SPTA1: variants seen among roughly 807,000 people sequenced by gnomAD.
SPTA1 encodes spectrin alpha chain, erythrocytic 1.
SPTA1 carries 177 observed loss-of-function variants against 324.7 expected under a neutral mutation model. The ratio of observed to expected loss-of-function variants is 0.55; its 90% CI spans 0.48 to 0.62. The LOEUF is 0.62. Among genes scored for constraint, SPTA1 ranks in the 20% least tolerant of loss-of-function variants. The pLI is 0.00. For missense variants in SPTA1, 3,162 were observed against 2,883.6 expected (o/e 1.10, Z -2.21); for synonymous variants, 1,195 against 1,041.3 (o/e 1.15, Z -2.84).
Position 158,677,732 on chromosome 1 carries a change from A to G in SPTA1, c.915T>C (p.Ser305=), listed in dbSNP as rs703121. The stretch of plus-strand genomic sequence containing the variant: ...CAAGATTTCTCTCAAGTCCCTTGTG[A>G]CTGTGAAACAGTCCTTCAGAGGCAA... The part of the protein sequence containing the change: ...DLVASEGLFH[S]HKGLERNLAV... The change falls in exon 7 of 52, where the codon AGT becomes AGC. Residue 305 remains serine, a synonymous_variant. Transcript: ENST00000643759. 916,885 of 1,613,240 alleles carry G rather than the reference A, an allele frequency of 0.57. 265,416 individuals carry two copies. Among genetic ancestry groups the G allele is most frequent in the Non-Finnish European group, 0.59 (700,433 of 1,179,558 alleles).
intron 20 of SPTA1, 43 bp from the exon 21 acceptor site, chr1:158,654,791 T>G (rs781669067): frequency 4.3e-5 from 69 of 1,609,762 alleles, no homozygotes; most frequent in Non-Finnish European, 5.7e-5. Context: ...GCACTGGAAA[T>G]ATCTCCCTGT....
At position 158,615,386 on chromosome 1, in the gene SPTA1, G is replaced by T. The variant is rs1394691632; in HGVS notation, c.6618C>A (p.Ile2206=). 6.2e-7 allele frequency: 1 copy of T among 1,614,032 alleles called. No individual in the cohort carries two copies. The change falls in exon 48 of 52, where the codon ATC becomes ATA. Residue 2206 remains isoleucine (I), a synonymous_variant. Transcript: ENST00000643759. The part of the protein sequence containing the change: ...LEANKRKQKE[I]QAMKRQLTKI... Reference sequence around the variant, plus strand: ...TGGTTAGTTGACGCTTCATCGCCTGGATCTCCTTCTGTTTTCTCTGGAAAA... The same window carrying T: ...TGGTTAGTTGACGCTTCATCGCCTGTATCTCCTTCTGTTTTCTCTGGAAAA...
At chr1:158,653,527 G>A in intron 21 of SPTA1, 102 bp from the exon 22 acceptor site, 1 of 1,477,588 alleles carries the variant, frequency 6.8e-7, no homozygotes, top group South Asian at 1.2e-5. Flanking sequence ...CAGGTTAATG[G>A]CAAAGATAAG....
chr1:158,638,262 C>A lies in SPTA1; in HGVS notation c.4981-21G>T, dbSNP rs1263092983. ...GCATCCTAGAAAGTCTCGGGATACTCAGTGAATAGTATAGTATAGGCATTA... is the reference window on the plus strand; with the variant it reads ...GCATCCTAGAAAGTCTCGGGATACTAAGTGAATAGTATAGTATAGGCATTA... On this transcript the variant is annotated intron_variant, in intron 35 of 51. Coordinates refer to ENST00000643759, the MANE Select transcript of SPTA1 (RefSeq NM_003126.4). The A allele has an allele frequency of 1.9e-6, 3 of 1,604,702 alleles. No individual in the cohort carries two copies. The East Asian group carries it at 6.7e-5, about 36-fold the overall frequency.
chr1:158,624,981 A>G (rs1462165894), intron 42 of SPTA1, among the ~76,000 whole-genome samples: 1 of 152,214 alleles, frequency 6.6e-6, no homozygotes, highest in East Asian at 1.9e-4. Context: ...TCAATCCCTG[A>G]CCAAAAAGTA....
chr1:158,671,268 G>T, intron 12 of SPTA1, 75 bp downstream of exon 12: 2 of 1,049,160 alleles, frequency 1.9e-6, no homozygotes, highest in Non-Finnish European at 2.9e-6. Context: ...GAGCAATGCT[G>T]TCTGGGGACA....
At position 158,610,992 on chromosome 1, in the gene SPTA1, T is replaced by C; in HGVS notation, c.*272A>G. The C allele has an allele frequency of 7.9e-6, 3 of 379,842 alleles. No individual in the cohort carries two copies. The highest frequency in any genetic ancestry group is 1.5e-5 in the Non-Finnish European group (3 of 204,884). 23.5% of individuals were successfully genotyped at this position (379,842 alleles called of 1,614,324 possible). A position where few individuals can be genotyped will look rare whatever the true frequency, so the allele number is the denominator to read the frequency against. ...ACGTGCAAAACAGAACAAATAAAAATAGAAACTTTGACACCCCTCAGCAGT... is the reference window on the plus strand; with the variant it reads ...ACGTGCAAAACAGAACAAATAAAAACAGAAACTTTGACACCCCTCAGCAGT... On this transcript the variant is annotated 3_prime_UTR_variant, in exon 52 of 52. Transcript: ENST00000643759.
At chr1:158,619,392 G>A in intron 44 of SPTA1, 58 bp from the exon 45 acceptor site, 1 of 1,555,532 alleles carries the variant, frequency 6.4e-7, no homozygotes, top group East Asian at 2.2e-5. Context: ...TTTGCCATAA[G>A]AGAATTGGTT....
rs574362588 is a variant in SPTA1, at chr1:158,627,701, G to A, written c.5588C>T (p.Ala1863Val). Residue 1863 changes from alanine (A) to valine (V), a missense_variant, in exon 40 of 52, where the codon GCT becomes GTT. Transcript: ENST00000643759. Reference sequence around the variant, plus strand: ...ATGGACAGCAAAGTCATTTTCCAAAGCTTCATGCTTCATTAGCAAGCTCTG... The same window carrying A: ...ATGGACAGCAAAGTCATTTTCCAAAACTTCATGCTTCATTAGCAAGCTCTG... ...ATQSLLMKHE[A>V]LENDFAVHET... is the part of the protein sequence containing the mutation. The A allele has an allele frequency of 1.2e-6, 2 of 1,612,796 alleles. No individual in the cohort carries two copies. The highest frequency in any genetic ancestry group is 1.7e-6 in the Non-Finnish European group (2 of 1,179,674).
rs919531937 is a variant in SPTA1, at chr1:158,611,170, G to T, written c.*94C>A. ...ACACACACACACACACACACACGAGGCCATCTTTATCTTCCACATTTGCCT... is the reference window on the plus strand; with the variant it reads ...ACACACACACACACACACACACGAGTCCATCTTTATCTTCCACATTTGCCT... On this transcript the variant is annotated 3_prime_UTR_variant, in exon 52 of 52. Coordinates refer to ENST00000643759, the MANE Select transcript of SPTA1 (RefSeq NM_003126.4). 8.0e-5 allele frequency: 84 copies of T among 1,049,416 alleles called. No individual in the cohort carries two copies. In the South Asian group the frequency reaches 1.1e-3, roughly 14 times the overall value. 65.0% of individuals were successfully genotyped at this position (1,049,416 alleles called of 1,614,324 possible).
rs752114200 is a variant in SPTA1 at position 158,620,170 on chromosome 1, C to T, written c.6417G>A (p.Glu2139=). The change falls in exon 44 of 52, where the codon GAG becomes GAA. Residue 2139 remains glutamate (E), a splice_region_variant and synonymous_variant. Transcript: ENST00000643759. ...AAGTTTCTGCCGTGTTCCAGGTTAC[C>T]TCAATGATGTCAGATAGGTGCTTCC... ...RTWKHLSDII[E]EREQELQKEE... is the part of the protein sequence containing the mutation. The T allele has an allele frequency of 8.1e-6, 13 of 1,613,916 alleles. No homozygotes were observed. The South Asian group carries it at 1.3e-4, about 16-fold the overall frequency.
intron 42 of SPTA1, among the ~76,000 whole-genome samples, chr1:158,624,603 T>G (rs182418724): frequency 6.6e-6 from 1 of 152,174 alleles, no homozygotes; most frequent in Non-Finnish European, 1.5e-5. Context: ...AACTAACTTG[T>G]TTTTGATTTT....
chr1:158,672,993 G>A (rs182367629), intron 10 of SPTA1, among the ~76,000 whole-genome samples: 55 of 151,950 alleles, frequency 3.6e-4, no homozygotes, highest in African/African-American at 8.9e-4. Context: ...GTGGTGGTGC[G>A]CACCTCTAGT....
intron 31 of SPTA1, 75 bp from the exon 32 acceptor site, chr1:158,643,051 C>G: frequency 6.3e-7 from 1 of 1,587,660 alleles, no homozygotes; most frequent in South Asian, 1.1e-5. Context: ...CATAAATCTT[C>G]CCATTTGCCA....
At position 158,626,902 on chromosome 1, in the gene SPTA1, A is replaced by G. The variant is rs748770325; in HGVS notation, c.5770T>C (p.Leu1924=). 9 of 1,613,768 alleles carry G rather than the reference A, an allele frequency of 5.6e-6. No individual in the cohort carries two copies. Among genetic ancestry groups the G allele is most frequent in the African/African-American group, 2.7e-5 (2 of 74,900 alleles). The change falls in exon 41 of 52, where the codon TTG becomes CTG. Residue 1924 remains leucine (L), a synonymous_variant. Transcript: ENST00000643759. ...TCCTGAAAGGCATAATCGTCTTCCAATTGCAACTTCCAAGCAGCTATTGCC... is the reference window on the plus strand; with the variant it reads ...TCCTGAAAGGCATAATCGTCTTCCAGTTGCAACTTCCAAGCAGCTATTGCC... ...AKAIAAWKLQ[L]EDDYAFQEFN...
At chr1:158,644,097 A>G (rs1651816377) in intron 30 of SPTA1, among the ~76,000 whole-genome samples, 156 bp downstream of exon 30, 1 of 151,720 alleles carries the variant, frequency 6.6e-6, no homozygotes, top group Non-Finnish European at 1.5e-5. Flanking sequence ...AGATCACACC[A>G]CTGCACTCCA....
At chr1:158,647,435 G>C (rs1278721162) in intron 27 of SPTA1, 104 bp downstream of exon 27, 1 of 1,418,612 alleles carries the variant, frequency 7.0e-7, no homozygotes, top group African/African-American at 1.4e-5. Context: ...AGACTTAAAC[G>C]TAGTGATGCC....
intron 14 of SPTA1, 79 bp from the exon 15 acceptor site, chr1:158,668,141 T>A (rs754359858): frequency 1.4e-6 from 2 of 1,462,480 alleles, no homozygotes; most frequent in Admixed American, 3.5e-5. Context: ...AGAGGTTACT[T>A]CTCACTATAA....
rs779828396 is a variant in SPTA1, at chr1:158,638,168, A to C, written c.5054T>G (p.Val1685Gly). The change falls in exon 36 of 52, where the codon GTG becomes GGG. Residue 1685 changes from valine (V) to glycine (G), a missense_variant. Coordinates refer to ENST00000643759, the MANE Select transcript of SPTA1 (RefSeq NM_003126.4). Reference sequence around the variant, plus strand: ...CTTGTTGACATTATCTTTTTTCTTCACAATCTGATCAACGTTGAAAGTCCC... The same window carrying C: ...CTTGTTGACATTATCTTTTTTCTTCCCAATCTGATCAACGTTGAAAGTCCC... ...SSGTFNVDQI[V>G]KKKDNVNKRF... 11 of 1,613,778 alleles carry C rather than the reference A, an allele frequency of 6.8e-6. No homozygotes were observed. Among genetic ancestry groups the C allele is most frequent in the Non-Finnish European group, 9.3e-6 (11 of 1,179,970 alleles).
Sources: gnomAD v4.1 joint callset for allele counts (sites outside exome capture counted in the v4.1 genomes callset) on GRCh38, gnomAD v4.1.1 for gene constraint, MANE v1.5 for transcripts, NCBI Gene and HGNC (gene_info 2026-07-23, HGNC 2026-07-21) for gene names.